The following KAZN variants were observed in gnomAD, a reference collection of about 807,000 sequenced individuals.
KAZN encodes the protein kazrin.
KAZN carries 40 observed loss-of-function variants against 87.4 expected under a neutral mutation model. That is an observed-to-expected ratio of 0.46 (90% CI 0.36 to 0.60). The LOEUF is 0.60. Among genes scored for constraint, KAZN ranks in the 20% least tolerant of loss-of-function variants. The pLI is 0.00. For missense variants in KAZN, 898 were observed against 1,073.9 expected (o/e 0.84, Z 2.29); for synonymous variants, 466 against 458.3 (o/e 1.02, Z -0.22).
rs935739892 is a variant in KAZN, at chr1:14,750,408, C to T, written c.226+151185C>T. Among the ~76,000 whole-genome samples, 5 of 152,096 alleles carry T rather than the reference C, an allele frequency of 3.3e-5. No individual in the cohort carries two copies. In the South Asian group the frequency reaches 6.2e-4, roughly 19 times the overall value. ...CAAGCCAATTTTTTACCTGACTTAA[C>T]GGAAACGAAGTTTTACGTGCTCCCT... is the stretch of plus-strand genomic sequence containing the variant. On this transcript the variant is annotated intron_variant, in intron 1 of 14. Transcript: ENST00000376030.
chr1:14,796,363 C>T (rs1483991188), intron 1 of KAZN, among the ~76,000 whole-genome samples: 1 of 152,224 alleles, frequency 6.6e-6, no homozygotes, highest in Non-Finnish European at 1.5e-5. Context: ...AGCCACGTGT[C>T]ATGTCCCCAT....
chr1:14,380,323 T>C (rs1661263796), intron 2 of KAZN, among the ~76,000 whole-genome samples: 1 of 151,992 alleles, frequency 6.6e-6, no homozygotes, highest in Non-Finnish European at 1.5e-5. Flanking sequence ...AAAACAAACA[T>C]AAGCATCCAG....
chr1:14,125,020 G>A (rs1033993912), intron 1 of KAZN, among the ~76,000 whole-genome samples: 15 of 152,254 alleles, frequency 9.9e-5, no homozygotes, highest in East Asian at 5.8e-4. Context: ...GGTAATGGGT[G>A]GTGAGGCCTC....
chr1:14,408,371 A>C (rs544773452), intron 2 of KAZN, among the ~76,000 whole-genome samples: 61 of 152,274 alleles, frequency 4.0e-4, no homozygotes, highest in Non-Finnish European at 5.4e-4. Flanking sequence ...CATCTAGTAG[A>C]TACTGCCTAG....
At chr1:13,962,705 G>A (rs1641800272) in intron 1 of KAZN, among the ~76,000 whole-genome samples, 3 of 152,114 alleles carry the variant, frequency 2.0e-5, no homozygotes, top group South Asian at 4.2e-4. Flanking sequence ...TTACAGGAGT[G>A]CACCACCACG....
intron 2 of KAZN, among the ~76,000 whole-genome samples, chr1:14,446,093 G>A (rs1045026798): frequency 6.6e-6 from 1 of 152,060 alleles, no homozygotes; most frequent in Non-Finnish European, 1.5e-5. Flanking sequence ...CTACTCAGGA[G>A]ACTGAGGCTG....
chr1:15,101,635 A>G lies in KAZN; in HGVS notation c.1640A>G (p.Asn547Ser), dbSNP rs1354998824. 4 of 1,567,416 alleles carry G rather than the reference A, an allele frequency of 2.6e-6. No homozygotes were observed. The highest frequency in any genetic ancestry group is 1.9e-5 in the Admixed American group (1 of 53,200). Residue 547 changes from asparagine to serine, a missense_variant, in exon 11 of 15, where the codon AAC becomes AGC. By Grantham distance (46) the Asn-to-Ser change is conservative. This residue lies in a region of KAZN where 521 missense variants were observed against 689.4 expected (regional missense o/e 0.76). Transcript: ENST00000376030. ...TCCCAGTACTCCCAGGCCTTTCAGA[A>G]CCACCTGGTTGATGGGCGGATGCTG... Reference protein sequence around the residue: ...GLSQYSQAFQNHLVDGRMLNS... With the variant: ...GLSQYSQAFQSHLVDGRMLNS...
rs199635036 is a variant in KAZN, at chr1:14,714,797, G to T, written c.226+115574G>T. Among the ~76,000 whole-genome samples the T allele has an allele frequency of 3.5e-3, 426 of 120,456 alleles. 2 individuals carry two copies. Among genetic ancestry groups the T allele is most frequent in the African/African-American group, 0.011 (345 of 31,080 alleles). The allele number at this position is 120,456 out of a possible 152,430, so 79.0% of individuals were successfully genotyped here. On this transcript the variant is annotated intron_variant, in intron 1 of 14. Transcript: ENST00000376030. ...TCTTTTTTCTTTTTCTTTTTTTTTT[G>T]TTTTTTTTTTTTTTTGAGACAGGTT...
chr1:14,551,324 G>C (rs1673503909), intron 2 of KAZN, among the ~76,000 whole-genome samples: 2 of 152,308 alleles, frequency 1.3e-5, no homozygotes, highest in Admixed American at 1.3e-4. Flanking sequence ...AGCAGTTACT[G>C]ATGTAGGGCT....
intron 1 of KAZN, among the ~76,000 whole-genome samples, chr1:13,918,860 C>T (rs1448761379): frequency 6.6e-6 from 1 of 152,150 alleles, no homozygotes; most frequent in Non-Finnish European, 1.5e-5. Context: ...GAAACAGGGT[C>T]TCAGTCTGTG....
intron 2 of KAZN, among the ~76,000 whole-genome samples, chr1:14,339,860 G>A (rs1161979630): frequency 6.6e-6 from 1 of 152,138 alleles, no homozygotes; most frequent in East Asian, 1.9e-4. Flanking sequence ...GCTTTTCCCT[G>A]AAAATACAGC....
chr1:14,419,601 T>TA (rs1452288099), intron 2 of KAZN, among the ~76,000 whole-genome samples: 6 of 152,338 alleles, frequency 3.9e-5, no homozygotes, highest in Admixed American at 1.3e-4. Flanking sequence ...ATTTGAGTGT[T>TA]ACAGTTCTTA....
At chr1:14,396,431 G>A (rs1662908439) in intron 2 of KAZN, among the ~76,000 whole-genome samples, 1 of 152,102 alleles carries the variant, frequency 6.6e-6, no homozygotes, top group South Asian at 2.1e-4. Context: ...AAAATGATGG[G>A]GAAATGCCCT....
At chr1:14,917,705 G>A (rs1422710862) in intron 1 of KAZN, among the ~76,000 whole-genome samples, 1 of 152,094 alleles carries the variant, frequency 6.6e-6, no homozygotes, top group Non-Finnish European at 1.5e-5. Context: ...TTTGCATCCT[G>A]GCCTCTCTGC....
At chr1:14,334,530 C>A (rs564489870) in intron 2 of KAZN, among the ~76,000 whole-genome samples, 2 of 151,862 alleles carry the variant, frequency 1.3e-5, no homozygotes, top group African/African-American at 4.8e-5. Context: ...TTCACTTTCA[C>A]GCTGCAGGAA....
intron 6 of KAZN, 152 bp downstream of exon 6, chr1:15,060,454 G>C (rs1638697763): frequency 4.7e-6 from 5 of 1,057,832 alleles, no homozygotes; most frequent in Admixed American, 4.8e-5. Context: ...CTTTCCTTTT[G>C]CAAGAAGCGA....
At chr1:14,783,523 C>T (rs1557485675) in intron 1 of KAZN, among the ~76,000 whole-genome samples, 1 of 152,090 alleles carries the variant, frequency 6.6e-6, no homozygotes, top group Non-Finnish European at 1.5e-5. Context: ...ATCTATGTGC[C>T]ACGTCCTGGG....
chr1:14,973,547 A>G (rs1184245561), intron 2 of KAZN, among the ~76,000 whole-genome samples: 1 of 152,096 alleles, frequency 6.6e-6, no homozygotes. Context: ...TTTTTTAGAT[A>G]GGGTGGGCAT....
intron 1 of KAZN, among the ~76,000 whole-genome samples, chr1:14,950,113 G>A (rs531213067): frequency 5.3e-5 from 8 of 152,130 alleles, no homozygotes; most frequent in Non-Finnish European, 1.0e-4. Context: ...ATTACCAAGC[G>A]GCTCTCCGGG....
Sources: gnomAD v4.1 joint callset for allele counts (sites outside exome capture counted in the v4.1 genomes callset) on GRCh38, gnomAD v4.1.1 for gene constraint, gnomAD v4.1.1 regional missense constraint, MANE v1.5 for transcripts, NCBI Gene and HGNC (gene_info 2026-07-23, HGNC 2026-07-21) for gene names.